Variants in DRC10 observed in about 807,000 individuals in gnomAD.
DRC10 encodes dynein regulatory complex subunit 10, also known as IQ domain-containing protein D.
At chr12:113,213,976 A>G in the DRC10 span, among the ~76,000 whole-genome samples, 1 of 151,986 alleles carries the variant, frequency 6.6e-6, no homozygotes, top group African/African-American at 2.4e-5. Flanking sequence ...AAAAAAACCA[A>G]GGTCTTGCTA....
chr12:113,200,182 G>A, the DRC10 span: 1 of 355,552 alleles, frequency 2.8e-6, no homozygotes, highest in Non-Finnish European at 5.5e-6. Flanking sequence ...CAGCTGGGCA[G>A]GAGTTGAGTA....
the DRC10 span, chr12:113,195,894 G>A: frequency 1.9e-6 from 3 of 1,595,076 alleles, no homozygotes; most frequent in Non-Finnish European, 2.6e-6. Flanking sequence ...CTCCTCCTGG[G>A]GTGAGGGGTG....
At chr12:113,208,395 G>A in the DRC10 span, 1 of 1,330,928 alleles carries the variant, frequency 7.5e-7, no homozygotes, top group Admixed American at 3.6e-5. Context: ...CCTTTCACTG[G>A]AAGCAGTTTT....
chr12:113,200,523 CA>C, the DRC10 span: 2 of 946,034 alleles, frequency 2.1e-6, no homozygotes, highest in East Asian at 6.2e-5. Context: ...GGAACAGTCC[CA>C]CCCATCCCCC....
At chr12:113,212,610 C>T in the DRC10 span, among the ~76,000 whole-genome samples, 76 of 152,244 alleles carry the variant, frequency 5.0e-4, no homozygotes, top group East Asian at 0.013. Context: ...TGCTTTCAGC[C>T]AAATTACCTC....
At chr12:113,207,014 C>G in the DRC10 span, among the ~76,000 whole-genome samples, 1 of 151,968 alleles carries the variant, frequency 6.6e-6, no homozygotes, top group Non-Finnish European at 1.5e-5. Context: ...GTGCTGTGAT[C>G]ATGCCACTGC....
the DRC10 span, among the ~76,000 whole-genome samples, chr12:113,217,067 C>T: frequency 1.3e-5 from 2 of 152,246 alleles, no homozygotes; most frequent in African/African-American, 4.8e-5. Flanking sequence ...CCAGCCTGGG[C>T]AACAGAGAAA....
chr12:113,213,943 C>CA, the DRC10 span, among the ~76,000 whole-genome samples: 2 of 151,172 alleles, frequency 1.3e-5, no homozygotes, highest in African/African-American at 2.4e-5. Context: ...GACTCTGTCT[C>CA]AAAAAAAACA....
the DRC10 span, among the ~76,000 whole-genome samples, chr12:113,202,689 G>T: frequency 6.6e-6 from 1 of 152,268 alleles, no homozygotes; most frequent in South Asian, 2.1e-4. Context: ...GCTAGACTGG[G>T]GGCCACATGA....
the DRC10 span, among the ~76,000 whole-genome samples, chr12:113,220,319 T>G: frequency 0.22 from 33,944 of 152,030 alleles, 4,280 homozygotes; most frequent in African/African-American, 0.35. Context: ...GCAATGGCGC[T>G]ATCTTGGCTT....
At chr12:113,210,943 A>C in the DRC10 span, among the ~76,000 whole-genome samples, 1 of 152,184 alleles carries the variant, frequency 6.6e-6, no homozygotes, top group Non-Finnish European at 1.5e-5. Flanking sequence ...AATCATTAGG[A>C]CTTGAGTGAA....
chr12:113,200,877 G>T, the DRC10 span: 1 of 1,269,994 alleles, frequency 7.9e-7, no homozygotes, highest in Non-Finnish European at 1.1e-6. Context: ...AGTGGCTCAC[G>T]CCTGTAATCC....
At chr12:113,200,362 G>A in the DRC10 span, 2 of 688,324 alleles carry the variant, frequency 2.9e-6, no homozygotes, top group Non-Finnish European at 5.3e-6. Flanking sequence ...CCTGTCCCCA[G>A]GCCTGTGTGC....
chr12:113,198,322 T>G, the DRC10 span, among the ~76,000 whole-genome samples: 1 of 152,150 alleles, frequency 6.6e-6, no homozygotes, highest in Non-Finnish European at 1.5e-5. Flanking sequence ...AGGAAAAGGC[T>G]GTGTCACAGA....
chr12:113,218,190 G>C, the DRC10 span, among the ~76,000 whole-genome samples: 7 of 150,552 alleles, frequency 4.6e-5, no homozygotes, highest in Admixed American at 6.6e-5. Context: ...AGGCTGGAGT[G>C]CCATGGCGTG....
chr12:113,195,967 T>G, the DRC10 span: 1 of 1,505,414 alleles, frequency 6.6e-7, no homozygotes, highest in East Asian at 2.3e-5. Context: ...CCCCTTACCC[T>G]TCCCAAATGG....
the DRC10 span, among the ~76,000 whole-genome samples, chr12:113,213,194 A>C: frequency 2.5e-3 from 373 of 151,418 alleles, 2 homozygotes; most frequent in African/African-American, 7.3e-3. Context: ...AAAAAAAAAA[A>C]AAAAAAAAAA....
the DRC10 span, among the ~76,000 whole-genome samples, chr12:113,219,260 T>C: frequency 6.6e-6 from 1 of 152,148 alleles, no homozygotes; most frequent in Non-Finnish European, 1.5e-5. Context: ...GGTCTCGAAC[T>C]CCTGACCTCA....
At chr12:113,208,283 G>T in the DRC10 span, 1 of 1,458,516 alleles carries the variant, frequency 6.9e-7, no homozygotes, top group Non-Finnish European at 9.0e-7. Flanking sequence ...AAGTAGGTGT[G>T]AGTGCAGCTG....
Sources: gnomAD v4.1 joint callset for allele counts (sites outside exome capture counted in the v4.1 genomes callset) on GRCh38, gnomAD v4.1.1 for gene constraint, MANE v1.5 for transcripts, NCBI Gene and HGNC (gene_info 2026-07-23, HGNC 2026-07-21) for gene names.